PLXND1: variants seen among roughly 807,000 people sequenced by gnomAD.
The protein encoded by PLXND1 is plexin-D1.
Under a neutral mutation model 197.7 loss-of-function variants are expected in PLXND1, and 54 were observed. The ratio of observed to expected loss-of-function variants is 0.27; its 90% CI spans 0.22 to 0.34. The LOEUF is 0.34. PLXND1 is among the 10% of genes least tolerant of loss of function. The probability of loss-of-function intolerance (pLI) is 1.00; values close to 1 mark genes in which losing one functional copy is unlikely to be tolerated. For missense variants in PLXND1, 2,127 were observed against 2,699.2 expected (o/e 0.79, Z 4.70); for synonymous variants, 1,180 against 1,161.2 (o/e 1.02, Z -0.33).
chr3:129,605,267 C>A, intron 1 of PLXND1, 62 bp downstream of exon 1: 1 of 457,976 alleles, frequency 2.2e-6, no homozygotes, highest in Non-Finnish European at 3.4e-6. Context: ...CGGTTCCCGC[C>A]CGCCCCCGCC....
At chr3:129,562,663 G>T in intron 27 of PLXND1, 124 bp downstream of exon 27, 2 of 867,990 alleles carry the variant, frequency 2.3e-6, no homozygotes, top group Non-Finnish European at 3.4e-6. Flanking sequence ...GGGCCTCATT[G>T]GATCCTCTCA....
rs1447627549 is a variant in PLXND1, at chr3:129,605,363, G to A, written c.1277C>T (p.Thr426Met). The A allele has an allele frequency of 6.7e-7, 1 of 1,485,584 alleles. No homozygotes were observed. The allele number at this position is 1,485,584 out of a possible 1,614,324, so 92.0% of individuals were successfully genotyped here. ...VAVLDSVVQG[T>M]GPACERKLNI... ...GAGCTTGCGCTCACAGGCCGGTCCC[G>A]TGCCCTGCACCACGCTGTCGAGCAC... Residue 426 changes from threonine to methionine, a missense_variant, in exon 1 of 36, where the codon ACG (threonine) becomes ATG (methionine). Physicochemically the swap from Thr to Met is moderately conservative, Grantham distance 81. Coordinates refer to ENST00000324093, the MANE Select transcript of PLXND1 (RefSeq NM_015103.3).
Position 129,571,171 on chromosome 3 carries a change from G to A in PLXND1, c.3469C>T (p.Leu1157=). Residue 1157 remains leucine (L), a synonymous_variant, in exon 18 of 36, where the codon CTG becomes TTG. Coordinates refer to ENST00000324093, the MANE Select transcript of PLXND1 (RefSeq NM_015103.3). ...ADEVAVAEEL[L]DPEEAQRGSR... is the part of the protein sequence containing the mutation. The stretch of plus-strand genomic sequence containing the variant: ...CCCCGCTGTGCCTCCTCGGGGTCCA[G>A]TAGCTCCTCAGCCACAGCCACCTCG... 6.2e-7 allele frequency: 1 copy of A among 1,614,220 alleles called. No homozygotes were observed. Among genetic ancestry groups the A allele is most frequent in the Non-Finnish European group, 8.5e-7 (1 of 1,180,018 alleles).
At position 129,586,080 on chromosome 3, in the gene PLXND1, A is replaced by C; in HGVS notation, c.1723T>G (p.Cys575Gly). The change falls in exon 5 of 36, where the codon TGC becomes GGC. Residue 575 changes from cysteine (C) to glycine (G), a missense_variant and splice_region_variant. This residue lies in a region of PLXND1 where 1,095 missense variants were observed against 1,259.8 expected (regional missense o/e 0.87). Transcript: ENST00000324093. ...YCGWCALETRCTLQQDCTNSS... is the reference protein window; with the variant it reads ...YCGWCALETRGTLQQDCTNSS... ...TTGGTGCAGTCCTGCTGCAAGGTGC[A>C]CCTGGGGTGGCACCGCAGGGTCAGG... 1 of 1,613,772 alleles carries C rather than the reference A, an allele frequency of 6.2e-7. No homozygotes were observed. Among genetic ancestry groups the C allele is most frequent in the Non-Finnish European group, 8.5e-7 (1 of 1,179,958 alleles).
rs954683584 is a variant in PLXND1 at position 129,556,237 on chromosome 3, G to T, written c.*75C>A. 5 of 978,064 alleles carry T rather than the reference G, an allele frequency of 5.1e-6. No individual in the cohort carries two copies. The Admixed American group carries it at 6.9e-5, about 14-fold the overall frequency. 60.6% of individuals were successfully genotyped at this position (978,064 alleles called of 1,614,324 possible). A position where few individuals can be genotyped will look rare whatever the true frequency, so the allele number is the denominator to read the frequency against. ...ATTTCCCAGTCTGAGTCACAGGCAC[G>T]GGGTAGAAGATCAAGTTGAGGCCCA... On this transcript the variant is annotated 3_prime_UTR_variant, in exon 36 of 36. Coordinates refer to ENST00000324093, the MANE Select transcript of PLXND1 (RefSeq NM_015103.3).
At chr3:129,565,298 A>G in intron 25 of PLXND1, 42 bp downstream of exon 25, 2 of 1,565,980 alleles carry the variant, frequency 1.3e-6, no homozygotes, top group Non-Finnish European at 1.8e-6. Context: ...AGTCCCTGCC[A>G]CGTCCCCCGC....
In PLXND1 at chr3:129,571,785, G is replaced by A; in HGVS notation, c.3137C>T (p.Pro1046Leu). ...CCGACGCTCGAAGCGCACACACACAGGCACCGGAGCCGGCAGGGCCCCCTC... is the reference window on the plus strand; with the variant it reads ...CCGACGCTCGAAGCGCACACACACAAGCACCGGAGCCGGCAGGGCCCCCTC... ...MPEGALPAPV[P>L]VCVRFERRGC... Residue 1046 changes from proline to leucine, a missense_variant, in exon 16 of 36, where the codon CCT becomes CTT. Physicochemically the swap from Pro to Leu is moderately conservative, Grantham distance 98. Around this residue, in one of 6 missense-constraint regions of PLXND1, gnomAD observed 1,095 missense variants for 1,259.8 expected, o/e 0.87. Transcript: ENST00000324093. 1 of 1,613,308 alleles carries A rather than the reference G, an allele frequency of 6.2e-7. No individual in the cohort carries two copies. Among genetic ancestry groups the A allele is most frequent in the Non-Finnish European group, 8.5e-7 (1 of 1,179,902 alleles).
rs1376068756 is a variant in PLXND1, at chr3:129,555,756, G to A, written c.*556C>T. 29 of 479,344 alleles carry A rather than the reference G, an allele frequency of 6.0e-5. No homozygotes were observed. In the Middle Eastern group the frequency reaches 2.1e-3, roughly 35 times the overall value. 29.7% of individuals were successfully genotyped at this position (479,344 alleles called of 1,614,324 possible). ...GGCACTGCCCACTCTACCAACAGCC[G>A]CCCAAGCAACAAAAATCTGACACTA... On this transcript the variant is annotated 3_prime_UTR_variant, in exon 36 of 36. Transcript: ENST00000324093.
At chr3:129,572,089 GTC>G (rs34873207) in intron 15 of PLXND1, among the ~76,000 whole-genome samples, 4,578 of 152,204 alleles carry the variant, frequency 0.03, 368 homozygotes, top group East Asian at 0.25. Context: ...CCCTGGTGAA[GTC>G]TCTCTCCCCA....
Position 129,571,111 on chromosome 3 carries a change from G to C in PLXND1, c.3529C>G (p.Gln1177Glu). Residue 1177 changes from glutamine to glutamate, a missense_variant, in exon 18 of 36, where the codon CAG (glutamine) becomes GAG (glutamate). By Grantham distance (29) the Gln-to-Glu change is conservative. Around this residue, in one of 6 missense-constraint regions of PLXND1, gnomAD observed 532 missense variants for 811.0 expected, o/e 0.66. Transcript: ENST00000324093. ...TTCTCCCTCTTGGCCGTAGAGAACT[G>C]TGGGTTGGGGAGGTAGTCCAGGCGG... Reference protein sequence around the residue: ...RFRLDYLPNPQFSTAKREKWI... With the variant: ...RFRLDYLPNPEFSTAKREKWI... The C allele has an allele frequency of 2.5e-6, 4 of 1,614,212 alleles. No individual in the cohort carries two copies. Among genetic ancestry groups the C allele is most frequent in the Non-Finnish European group, 3.4e-6 (4 of 1,180,028 alleles).
In PLXND1 at chr3:129,571,244, G is replaced by A. The variant is rs2285366; in HGVS notation, c.3396C>T (p.Asn1132=). 0.028 allele frequency: 45,935 copies of A among 1,613,924 alleles called. 3,282 individuals are homozygous for A. The highest frequency in any genetic ancestry group is 0.27 in the East Asian group (12,155 of 44,870). The part of the protein sequence containing the change: ...ITCPSPGALS[N]ASAPVDFFIN... ...TGAAGAAGTCCACTGGCGCTGATGC[G>A]TTGCTCAGGGCCCCGGGGGACGGGC... Residue 1132 remains asparagine (N), a synonymous_variant, in exon 18 of 36, where the codon AAC becomes AAT. Transcript: ENST00000324093.
At chr3:129,598,443 G>A (rs1426258211) in intron 1 of PLXND1, among the ~76,000 whole-genome samples, 2 of 152,078 alleles carry the variant, frequency 1.3e-5, no homozygotes, top group Non-Finnish European at 2.9e-5. Context: ...ACTCTAGAGA[G>A]CTCCCCACCC....
chr3:129,586,860 T>C, intron 2 of PLXND1, 141 bp from the exon 3 acceptor site: 1 of 949,690 alleles, frequency 1.1e-6, no homozygotes, highest in Non-Finnish European at 1.6e-6. Context: ...GTCACGGGCG[T>C]GCAGGGGAGG....
intron 1 of PLXND1, among the ~76,000 whole-genome samples, chr3:129,597,297 C>T (rs943030190): frequency 1.9e-4 from 29 of 152,186 alleles, no homozygotes; most frequent in Middle Eastern, 3.4e-3. Flanking sequence ...GGAAATCAGC[C>T]GCTTGGAGCT....
intron 2 of PLXND1, 23 bp downstream of exon 2, chr3:129,589,328 C>T: frequency 7.5e-7 from 1 of 1,338,628 alleles, no homozygotes; most frequent in Non-Finnish European, 1.0e-6. Context: ...CCACCCCCTC[C>T]CCACATCCCC....
chr3:129,575,488 G>A lies in PLXND1; in HGVS notation c.2511C>T (p.Asp837=). 6.4e-7 allele frequency: 1 copy of A among 1,553,550 alleles called. No individual in the cohort carries two copies. Among genetic ancestry groups the A allele is most frequent in the Non-Finnish European group, 8.7e-7 (1 of 1,147,808 alleles). ...GCCCACCTGTCATGGGCTCAGGGCT[G>A]TCCAGGAATCGGGCTGGCCGCCCCT... ...QLKGRPARFL[D]SPEPMTVMVY... The change falls in exon 11 of 36, where the codon GAC becomes GAT. Residue 837 remains aspartate (D), a synonymous_variant. Coordinates refer to ENST00000324093, the MANE Select transcript of PLXND1 (RefSeq NM_015103.3).
chr3:129,606,339 T>C lies in PLXND1; in HGVS notation c.301A>G (p.Ser101Gly). The C allele has an allele frequency of 6.8e-7, 1 of 1,478,732 alleles. No homozygotes were observed. The allele number at this position is 1,478,732 out of a possible 1,614,324, so 91.6% of individuals were successfully genotyped here. A position where few individuals can be genotyped will look rare whatever the true frequency, so the allele number is the denominator to read the frequency against. Residue 101 changes from serine (S) to glycine (G), a missense_variant, in exon 1 of 36, where the codon AGC (serine) becomes GGC (glycine). By Grantham distance (56) the Ser-to-Gly change is moderately conservative (BLOSUM62 0). Around this residue, in one of 6 missense-constraint regions of PLXND1, gnomAD observed 245 missense variants for 267.1 expected, o/e 0.92. Transcript: ENST00000324093. ...AGCTGCGGAGCGTGACACAGCGGGC[T>C]GTCGGGCACCGGGCCCACGGCCGCC... ...AEAAVGPVPD[S>G]PLCHAPQLPQ...
intron 20 of PLXND1, among the ~76,000 whole-genome samples, chr3:129,568,373 G>A (rs2085173329): frequency 1.3e-5 from 2 of 152,048 alleles, no homozygotes; most frequent in African/African-American, 4.8e-5. Flanking sequence ...TGGGAGGGAA[G>A]ATACAAAAAT....
intron 29 of PLXND1, chr3:129,560,970 T>A (rs1226250443): frequency 1.6e-6 from 1 of 635,172 alleles, no homozygotes; most frequent in Non-Finnish European, 2.9e-6. Flanking sequence ...GAGAGAGAGA[T>A]AAGTGAGATC....
Sources: allele counts gnomAD v4.1 joint callset (sites outside exome capture counted in the v4.1 genomes callset), GRCh38; gene constraint gnomAD v4.1.1; regional missense constraint gnomAD v4.1.1; transcripts MANE v1.5; gene names NCBI Gene and HGNC (gene_info 2026-07-23, HGNC 2026-07-21).